FEZ1: variants seen among roughly 807,000 people sequenced by gnomAD.
FEZ1 encodes the protein fasciculation and elongation protein zeta 1, also known as fasciculation and elongation protein zeta-1.
FEZ1 carries 20 observed loss-of-function variants against 49.3 expected under a neutral mutation model. The observed-to-expected ratio is 0.41, with a 90% CI of 0.29 to 0.59. FEZ1 has a LOEUF of 0.59. Ranked by LOEUF, FEZ1 falls within the 20% of genes least tolerant of loss-of-function variation. The pLI, the probability that FEZ1 is intolerant of heterozygous loss-of-function variation, is 0.36. For synonymous variants in FEZ1, 170 were observed against 180.9 expected (o/e 0.94, Z 0.48); for missense variants, 413 against 476.0 (o/e 0.87, Z 1.23).
At chr11:125,493,418 GAA>G (rs1565306960) in intron 1 of FEZ1, among the ~76,000 whole-genome samples, 13 of 38,470 alleles carry the variant, frequency 3.4e-4, no homozygotes, top group African/African-American at 1.8e-3. Flanking sequence ...AAGAAAGAAA[GAA>G]AGAAGGAAAG....
At position 125,460,482 on chromosome 11, in the gene FEZ1, C is replaced by G; in HGVS notation, c.667+16G>C. The stretch of plus-strand genomic sequence containing the variant: ...GGTGCTTCCTCCTCGGCCAGCCCAG[C>G]GCCCAGGGCCCTCACCTTCATAGGA... On this transcript the variant is annotated intron_variant, in intron 5 of 9. Transcript: ENST00000278919. The G allele has an allele frequency of 6.2e-7, 1 of 1,610,044 alleles. No individual in the cohort carries two copies. The highest frequency in any genetic ancestry group is 1.8e-4 in the Middle Eastern group (1 of 5,672).
chr11:125,458,179 G>GCCT (rs1957038309), intron 5 of FEZ1, among the ~76,000 whole-genome samples: 1 of 152,298 alleles, frequency 6.6e-6, no homozygotes, highest in South Asian at 2.1e-4. Context: ...TCCAGATTCT[G>GCCT]CCTCTGCTTT....
chr11:125,482,601 G>C (rs965379130), intron 2 of FEZ1, among the ~76,000 whole-genome samples: 1 of 152,090 alleles, frequency 6.6e-6, no homozygotes, highest in Non-Finnish European at 1.5e-5. Context: ...TCAACACCAA[G>C]AGATTAATGT....
At chr11:125,452,210 AG>A in intron 8 of FEZ1, 123 bp downstream of exon 8, 1 of 700,766 alleles carries the variant, frequency 1.4e-6, no homozygotes, top group Non-Finnish European at 2.6e-6. Flanking sequence ...AGTAATTTGG[AG>A]GGTATTTTGG....
At position 125,489,498 on chromosome 11, in the gene FEZ1, G is replaced by T. The variant is rs1205580389; in HGVS notation, c.280C>A (p.Gln94Lys). ...TCCTGAAGGGTCTCCTCCTCCTCTTGGATCTGTAACTGGTTCTTCACGGGA... is the reference window on the plus strand; with the variant it reads ...TCCTGAAGGGTCTCCTCCTCCTCTTTGATCTGTAACTGGTTCTTCACGGGA... Reference protein sequence around the residue: ...LAPVKNQLQIQEEEETLQDEE... With the variant: ...LAPVKNQLQIKEEEETLQDEE... Residue 94 changes from glutamine to lysine, a missense_variant, in exon 2 of 10, where the codon CAA becomes AAA. By Grantham distance (53) the Gln-to-Lys change is moderately conservative (BLOSUM62 1). Coordinates refer to ENST00000278919, the MANE Select transcript of FEZ1 (RefSeq NM_005103.5). This position sits in a 1 kb window ranked among gnomAD's most constrained non-coding sequence, Gnocchi z 4.2. 1 of 1,613,886 alleles carries T rather than the reference G, an allele frequency of 6.2e-7. No homozygotes were observed. Among genetic ancestry groups the T allele is most frequent in the Non-Finnish European group, 8.5e-7 (1 of 1,179,930 alleles).
chr11:125,474,407 A>G (rs190067926), intron 3 of FEZ1, among the ~76,000 whole-genome samples: 25 of 152,056 alleles, frequency 1.6e-4, no homozygotes, highest in Admixed American at 3.9e-4. Flanking sequence ...GCCTCAAGCA[A>G]TCTGCCCACC....
At chr11:125,487,759 A>G (rs995018007) in intron 2 of FEZ1, among the ~76,000 whole-genome samples, 1 of 152,238 alleles carries the variant, frequency 6.6e-6, no homozygotes, top group Non-Finnish European at 1.5e-5. Context: ...CATCTAGTTT[A>G]TTTGATATTC....
At position 125,481,139 on chromosome 11, in the gene FEZ1, C is replaced by T. The variant is rs537614761; in HGVS notation, c.411+395G>A. Among the ~76,000 whole-genome samples, 88 of 152,098 alleles carry T rather than the reference C, an allele frequency of 5.8e-4. No homozygotes were observed. The Middle Eastern group carries it at 0.014, about 24-fold the overall frequency. ...TGTGTTTCTGCTTTTCTATAGATGA[C>T]CATTCCTATCATTTCAGATATACTG... On this transcript the variant is annotated intron_variant, in intron 3 of 9. Transcript: ENST00000278919.
chr11:125,460,708 T>C, intron 4 of FEZ1, 42 bp from the exon 5 acceptor site: 1 of 1,567,548 alleles, frequency 6.4e-7, no homozygotes, highest in South Asian at 1.1e-5. Context: ...TGTTCTCTGC[T>C]AGAGGGGCAT....
chr11:125,485,498 G>A (rs1358584573), intron 2 of FEZ1, among the ~76,000 whole-genome samples: 1 of 152,146 alleles, frequency 6.6e-6, no homozygotes, highest in Non-Finnish European at 1.5e-5. Flanking sequence ...AGCTTAAAGG[G>A]CTTATTAGAA....
At chr11:125,455,040 A>G (rs1956996246) in intron 6 of FEZ1, among the ~76,000 whole-genome samples, 1 of 150,480 alleles carries the variant, frequency 6.6e-6, no homozygotes, top group African/African-American at 2.4e-5. Context: ...AGAAAAAAAA[A>G]ATGAACCATG....
In FEZ1 at chr11:125,460,538, C is replaced by G; in HGVS notation, c.627G>C (p.Gln209His). The change falls in exon 5 of 10, where the codon CAG becomes CAC. Residue 209 changes from glutamine to histidine, a missense_variant. Coordinates refer to ENST00000278919, the MANE Select transcript of FEZ1 (RefSeq NM_005103.5). ...QADSVLLQEM[Q>H]ALTQTFNNNW... ...TGTTGTTGAAGGTCTGTGTCAATGC[C>G]TGCATCTCCTGCAGGAGGACCGAGT... is the stretch of plus-strand genomic sequence containing the variant. 6.2e-7 allele frequency: 1 copy of G among 1,614,148 alleles called. No homozygotes were observed. Among genetic ancestry groups the G allele is most frequent in the South Asian group, 1.1e-5 (1 of 91,074 alleles).
chr11:125,495,194 A>G lies in FEZ1; in HGVS notation c.-46+927T>C. 1 of 356,294 alleles carries G rather than the reference A, an allele frequency of 2.8e-6. No homozygotes were observed. Among genetic ancestry groups the G allele is most frequent in the Non-Finnish European group, 5.9e-6 (1 of 170,910 alleles). 22.1% of individuals were successfully genotyped at this position (356,294 alleles called of 1,614,324 possible). Reference sequence around the variant, plus strand: ...CCTCCTCCCCCCAGTCCGGTGGGGTAAAGAAAGCCTCCTCCAGGCAGCACA... The same window carrying G: ...CCTCCTCCCCCCAGTCCGGTGGGGTGAAGAAAGCCTCCTCCAGGCAGCACA... On this transcript the variant is annotated intron_variant, in intron 1 of 9. Coordinates refer to ENST00000278919, the MANE Select transcript of FEZ1 (RefSeq NM_005103.5). The surrounding 1 kb of genome is among the most constrained non-coding windows in gnomAD (Gnocchi z 4.2).
intron 2 of FEZ1, chr11:125,488,994 G>T: frequency 1.0e-6 from 1 of 985,706 alleles, no homozygotes; most frequent in Non-Finnish European, 1.2e-6. Context: ...TTCTTATGTG[G>T]ACATATCCTA....
At chr11:125,468,374 C>G in intron 3 of FEZ1, among the ~76,000 whole-genome samples, 1 of 151,906 alleles carries the variant, frequency 6.6e-6, no homozygotes, top group East Asian at 1.9e-4. Context: ...AGATTGAGTC[C>G]AATACTCCCT....
At chr11:125,448,651 G>A (rs1003220118) in intron 8 of FEZ1, 84 bp from the exon 9 acceptor site, 2 of 833,088 alleles carry the variant, frequency 2.4e-6, no homozygotes, top group African/African-American at 1.7e-5. Flanking sequence ...CCAGCCCAGA[G>A]TGAGAGAGAA....
intron 3 of FEZ1, 40 bp downstream of exon 3, chr11:125,481,494 C>G: frequency 9.1e-7 from 1 of 1,101,670 alleles, no homozygotes; most frequent in Non-Finnish European, 1.4e-6. Flanking sequence ...CTGGATTCCA[C>G]ATCTCAAGCC....
intron 4 of FEZ1, 29 bp downstream of exon 4, chr11:125,463,455 G>A: frequency 7.4e-7 from 1 of 1,345,070 alleles, no homozygotes; most frequent in Non-Finnish European, 1.1e-6. Flanking sequence ...AGAACAAAAG[G>A]TCCCGATAAC....
At chr11:125,493,365 A>G (rs1351552387) in intron 1 of FEZ1, among the ~76,000 whole-genome samples, 5 of 23,060 alleles carry the variant, frequency 2.2e-4, no homozygotes, top group African/African-American at 8.1e-4. Context: ...AAGAGAGAAA[A>G]GAAAGAAAGA....
Sources: allele counts gnomAD v4.1 joint callset (sites outside exome capture counted in the v4.1 genomes callset), GRCh38; gene constraint gnomAD v4.1.1; non-coding constraint Gnocchi (gnomAD v3.1); transcripts MANE v1.5; gene names NCBI Gene and HGNC (gene_info 2026-07-23, HGNC 2026-07-21).